HS3ST3B1: variants seen among roughly 807,000 people sequenced by gnomAD.
HS3ST3B1 encodes heparan sulfate-glucosamine 3-sulfotransferase 3B1, also known as heparan sulfate glucosamine 3-O-sulfotransferase 3B1.
HS3ST3B1 carries 13 observed loss-of-function variants against 21.3 expected under a neutral mutation model. The ratio of observed to expected loss-of-function variants is 0.61; its 90% CI spans 0.40 to 0.97. The LOEUF (loss-of-function observed/expected upper bound fraction) is 0.97, where lower values mean the gene tolerates loss of function less well. HS3ST3B1 is among the 50% of genes least tolerant of loss of function. The pLI, the probability that HS3ST3B1 is intolerant of heterozygous loss-of-function variation, is 0.00. For missense variants in HS3ST3B1, 459 were observed against 554.8 expected, an observed-to-expected ratio of 0.83 and a Z score of 1.73; for synonymous variants, 234 against 254.8, an observed-to-expected ratio of 0.92 and a Z score of 0.78.
chr17:14,335,004 A>G (rs1004846109), intron 1 of HS3ST3B1, among the ~76,000 whole-genome samples: 1 of 152,062 alleles, frequency 6.6e-6, no homozygotes, highest in Non-Finnish European at 1.5e-5. Context: ...TCTTTGTCAC[A>G]TTTTTGATTT....
In HS3ST3B1 at chr17:14,349,245, G is replaced by A. The variant is rs1324493584; in HGVS notation, c.*3599G>A. ...TCTAGCAGTATGTCTTCGATAACTT[G>A]GATGTTAGGATAGCCAATATGTACA... On this transcript the variant is annotated 3_prime_UTR_variant, in exon 2 of 2. Transcript: ENST00000360954. 1.3e-5 allele frequency: 2 copies of A among 152,102 alleles called. No individual in the cohort carries two copies. 9.4% of individuals were successfully genotyped at this position (152,102 alleles called of 1,614,324 possible). A position where few individuals can be genotyped will look rare whatever the true frequency, so the allele number is the denominator to read the frequency against.
rs1380059522 is a variant in HS3ST3B1 at position 14,345,946 on chromosome 17, G to A, written c.*300G>A. ...CACAACTTGAGATTTTTGTTGTTAC[G>A]GGTATTCAGCCTTCAGTCACCGTCT... On this transcript the variant is annotated 3_prime_UTR_variant, in exon 2 of 2. Transcript: ENST00000360954. The A allele has an allele frequency of 9.5e-6, 3 of 314,274 alleles. No individual in the cohort carries two copies. Among genetic ancestry groups the A allele is most frequent in the Admixed American group, 4.6e-5 (1 of 21,698 alleles). 19.5% of individuals were successfully genotyped at this position (314,274 alleles called of 1,614,324 possible).
At chr17:14,323,128 G>A (rs9899417) in intron 1 of HS3ST3B1, among the ~76,000 whole-genome samples, 7,323 of 152,050 alleles carry the variant, frequency 0.048, 318 homozygotes, top group African/African-American at 0.12. Flanking sequence ...GGCTGGTCTC[G>A]AACTCCTAAC....
intron 1 of HS3ST3B1, among the ~76,000 whole-genome samples, chr17:14,325,276 T>C (rs1254137172): frequency 6.6e-6 from 1 of 152,232 alleles, no homozygotes; most frequent in Non-Finnish European, 1.5e-5. Context: ...AAAGGTAAAA[T>C]CATGCTCTCA....
chr17:14,345,408 A>G lies in HS3ST3B1; in HGVS notation c.935A>G (p.Gln312Arg). The G allele has an allele frequency of 7.9e-7, 1 of 1,272,964 alleles. No homozygotes were observed. Among genetic ancestry groups the G allele is most frequent in the Non-Finnish European group, 1.1e-6 (1 of 904,250 alleles). The allele number at this position is 1,272,964 out of a possible 1,614,324, so 78.9% of individuals were successfully genotyped here. Residue 312 changes from glutamine (Q) to arginine (R), a missense_variant, in exon 2 of 2, where the codon CAA (glutamine) becomes CGA (arginine). This residue lies in a region of HS3ST3B1 where 127 missense variants were observed against 209.9 expected (regional missense o/e 0.60). Transcript: ENST00000360954. ...SDPAGELGRV[Q>R]DFLGLKRIIT... ...CCGGCCGGGGAGCTGGGCCGCGTGCAAGACTTCCTGGGCCTCAAGAGGATC... is the reference window on the plus strand; with the variant it reads ...CCGGCCGGGGAGCTGGGCCGCGTGCGAGACTTCCTGGGCCTCAAGAGGATC...
At chr17:14,329,637 A>G (rs1028712161) in intron 1 of HS3ST3B1, among the ~76,000 whole-genome samples, 1 of 152,212 alleles carries the variant, frequency 6.6e-6, no homozygotes, top group Non-Finnish European at 1.5e-5. Context: ...CTGATCATCT[A>G]ATTCATTCAG....
In HS3ST3B1 at chr17:14,320,544, A is replaced by AT. The variant is rs112504534; in HGVS notation, c.554+18481dup. On this transcript the variant is annotated intron_variant, in intron 1 of 1. Coordinates refer to ENST00000360954, the MANE Select transcript of HS3ST3B1 (RefSeq NM_006041.3). ...AACTAGTACAGGTTATCCTGTGCTT[A>AT]TTTTTTTTTCTTTTTCAAGTATGTC... Among the ~76,000 whole-genome samples the AT allele has an allele frequency of 3.3e-3, 501 of 151,408 alleles. 1 individual carries two copies. Among genetic ancestry groups the AT allele is most frequent in the Non-Finnish European group, 5.9e-3 (398 of 67,776 alleles).
chr17:14,311,562 TTACATTAGGGC>T (rs1909306025), intron 1 of HS3ST3B1, among the ~76,000 whole-genome samples: 1 of 152,206 alleles, frequency 6.6e-6, no homozygotes, highest in South Asian at 2.1e-4. Context: ...GTCCGTAGGT[TTACATTAGGGC>T]TCACTGTTGG....
chr17:14,301,503 C>T lies in HS3ST3B1; in HGVS notation c.-16C>T, dbSNP rs779450910. 2.0e-6 allele frequency: 3 copies of T among 1,497,154 alleles called. No homozygotes were observed. The highest frequency in any genetic ancestry group is 2.6e-6 in the Non-Finnish European group (3 of 1,132,646). The allele number at this position is 1,497,154 out of a possible 1,614,324, so 92.7% of individuals were successfully genotyped here. A position where few individuals can be genotyped will look rare whatever the true frequency, so the allele number is the denominator to read the frequency against. On this transcript the variant is annotated 5_prime_UTR_variant, in exon 1 of 2. Transcript: ENST00000360954. Reference sequence around the variant, plus strand: ...ATGTGCTGAGCCATGTCCCTGGCCGCGCCCGCGGGCAGCGCATGGGGCAGC... The same window carrying T: ...ATGTGCTGAGCCATGTCCCTGGCCGTGCCCGCGGGCAGCGCATGGGGCAGC...
At chr17:14,308,055 T>G (rs1909189991) in intron 1 of HS3ST3B1, among the ~76,000 whole-genome samples, 1 of 152,222 alleles carries the variant, frequency 6.6e-6, no homozygotes, top group African/African-American at 2.4e-5. Context: ...TGAAAACTAA[T>G]TGTAAGTAGA....
chr17:14,345,898 G>A lies in HS3ST3B1; in HGVS notation c.*252G>A, dbSNP rs1910555988. The A allele has an allele frequency of 2.2e-6, 1 of 453,630 alleles. No homozygotes were observed. Among genetic ancestry groups the A allele is most frequent in the Admixed American group, 3.9e-5 (1 of 25,328 alleles). 28.1% of individuals were successfully genotyped at this position (453,630 alleles called of 1,614,324 possible). A position where few individuals can be genotyped will look rare whatever the true frequency, so the allele number is the denominator to read the frequency against. ...TTCTATTTTTTCTTCTCCCCTACCT[G>A]TTATATTTAAAACAAAGAAAAGCAC... is the stretch of plus-strand genomic sequence containing the variant. On this transcript the variant is annotated 3_prime_UTR_variant, in exon 2 of 2. Coordinates refer to ENST00000360954, the MANE Select transcript of HS3ST3B1 (RefSeq NM_006041.3).
intron 1 of HS3ST3B1, among the ~76,000 whole-genome samples, chr17:14,309,908 C>A (rs994163601): frequency 6.6e-6 from 1 of 152,042 alleles, no homozygotes; most frequent in Non-Finnish European, 1.5e-5. Context: ...GTCTGGGAAG[C>A]GGGAGGGGTT....
chr17:14,314,056 C>G (rs984457122), intron 1 of HS3ST3B1, among the ~76,000 whole-genome samples: 7 of 150,692 alleles, frequency 4.6e-5, no homozygotes, highest in African/African-American at 1.7e-4. Context: ...CTCGGCTCAC[C>G]GCAACCTCCG....
At chr17:14,327,030 A>G (rs77554565) in intron 1 of HS3ST3B1, among the ~76,000 whole-genome samples, 2,875 of 151,672 alleles carry the variant, frequency 0.019, 109 homozygotes, top group African/African-American at 0.065. Context: ...AGTCAAGTGT[A>G]TAATATCTCT....
At chr17:14,319,289 T>G (rs1049651554) in intron 1 of HS3ST3B1, among the ~76,000 whole-genome samples, 2 of 152,206 alleles carry the variant, frequency 1.3e-5, no homozygotes, top group African/African-American at 4.8e-5. Flanking sequence ...TATAAAATCC[T>G]TTGGCTTCTC....
At chr17:14,313,119 T>TACAC (rs1909378200) in intron 1 of HS3ST3B1, among the ~76,000 whole-genome samples, 3 of 147,348 alleles carry the variant, frequency 2.0e-5, no homozygotes, top group African/African-American at 7.7e-5. Flanking sequence ...TATATATATA[T>TACAC]ATATGTGTGT....
intron 1 of HS3ST3B1, among the ~76,000 whole-genome samples, chr17:14,334,904 C>A (rs1361473179): frequency 1.3e-5 from 2 of 152,140 alleles, no homozygotes. Flanking sequence ...AAGGGGGCAT[C>A]CTTATTTCCT....
intron 1 of HS3ST3B1, among the ~76,000 whole-genome samples, chr17:14,334,466 C>A (rs1910129698): frequency 6.6e-6 from 1 of 152,052 alleles, no homozygotes. Flanking sequence ...ATCCTCTTTC[C>A]TCAGGGCCTC....
intron 1 of HS3ST3B1, among the ~76,000 whole-genome samples, chr17:14,308,815 A>G (rs1204790750): frequency 6.6e-6 from 1 of 152,258 alleles, no homozygotes; most frequent in East Asian, 1.9e-4. Flanking sequence ...TCCATGAAGC[A>G]CCTTACACGT....
Sources: gnomAD v4.1 joint callset for allele counts (sites outside exome capture counted in the v4.1 genomes callset) on GRCh38, gnomAD v4.1.1 for gene constraint, gnomAD v4.1.1 regional missense constraint, MANE v1.5 for transcripts, NCBI Gene and HGNC (gene_info 2026-07-23, HGNC 2026-07-21) for gene names.